The following MAPK10 variants were observed in gnomAD, a reference collection of about 807,000 sequenced individuals.
The protein encoded by MAPK10 is mitogen-activated protein kinase 10.
Under a neutral mutation model 59.3 loss-of-function variants are expected in MAPK10, and 25 were observed. The observed-to-expected ratio is 0.42, with a 90% CI of 0.31 to 0.59. The LOEUF is 0.59. Ranked by LOEUF, MAPK10 falls within the 20% of genes least tolerant of loss-of-function variation. The pLI, the probability that MAPK10 is intolerant of heterozygous loss-of-function variation, is 0.15. For synonymous variants in MAPK10, 190 were observed against 200.5 expected (o/e 0.95, Z 0.44); for missense variants, 351 against 568.9 (o/e 0.62, Z 3.90).
upstream of MAPK10, among the ~76,000 whole-genome samples, chr4:86,364,328 C>A (rs1055715595): frequency 3.3e-5 from 5 of 152,098 alleles, no homozygotes; most frequent in African/African-American, 1.2e-4. Flanking sequence ...AGGGTTTCAC[C>A]ATGTTGCCCA....
chr4:86,010,567 C>T lies in MAPK10; in HGVS notation c.*6661G>A, dbSNP rs1741354879. 1 of 152,126 alleles carries T rather than the reference C, an allele frequency of 6.6e-6. No homozygotes were observed. Among genetic ancestry groups the T allele is most frequent in the South Asian group, 2.1e-4 (1 of 4,822 alleles). The allele number at this position is 152,126 out of a possible 1,614,324, so 9.4% of individuals were successfully genotyped here. A position where few individuals can be genotyped will look rare whatever the true frequency, so the allele number is the denominator to read the frequency against. On this transcript the variant is annotated 3_prime_UTR_variant, in exon 14 of 14. Coordinates refer to ENST00000641462, the MANE Select transcript of MAPK10 (RefSeq NM_138982.4). ...AGCTAGAAATTCAGAGCAATATTCT[C>T]AGGGCTTGATTTACACCAAATCCAA...
chr4:86,388,593 C>T (rs1741807601), intron 1 of MAPK10, among the ~76,000 whole-genome samples: 1 of 152,118 alleles, frequency 6.6e-6, no homozygotes, highest in African/African-American at 2.4e-5. Context: ...TGACCACTGG[C>T]TTGATGTCAC....
intron 1 of MAPK10, among the ~76,000 whole-genome samples, chr4:86,436,745 T>C (rs1695333804): frequency 6.6e-6 from 1 of 152,152 alleles, no homozygotes; most frequent in Non-Finnish European, 1.5e-5. Flanking sequence ...TATCAAGATA[T>C]ATGAAGATAG....
chr4:86,064,179 C>A, intron 11 of MAPK10, 87 bp downstream of exon 11: 2 of 1,479,600 alleles, frequency 1.4e-6, no homozygotes, highest in Non-Finnish European at 1.8e-6. Context: ...ATCCATTGTG[C>A]ATTCTTTAGG....
intron 3 of MAPK10, chr4:86,171,049 G>A (rs911629774): frequency 1.4e-4 from 21 of 151,950 alleles, no homozygotes; most frequent in Middle Eastern, 3.4e-3. Context: ...ACAACATACC[G>A]GAATCTCTGG....
upstream of MAPK10, among the ~76,000 whole-genome samples, chr4:86,360,824 T>C (rs1293144503): frequency 6.6e-6 from 1 of 152,194 alleles, no homozygotes; most frequent in East Asian, 1.9e-4. Flanking sequence ...TATCCATAAA[T>C]AATAGTTTCT....
intron 1 of MAPK10, among the ~76,000 whole-genome samples, chr4:86,516,168 C>T (rs1756648538): frequency 6.6e-6 from 1 of 151,970 alleles, no homozygotes; most frequent in Non-Finnish European, 1.5e-5. Context: ...TTTTTGTTTA[C>T]TTTGCCAAAG....
At chr4:86,307,081 A>G (rs1255020612) in intron 2 of MAPK10, among the ~76,000 whole-genome samples, 1 of 152,190 alleles carries the variant, frequency 6.6e-6, no homozygotes, top group Non-Finnish European at 1.5e-5. Context: ...TACTGGGGGA[A>G]AAAAGAAGCA....
intron 1 of MAPK10, among the ~76,000 whole-genome samples, chr4:86,493,368 A>G (rs545161719): frequency 1.3e-5 from 2 of 152,334 alleles, no homozygotes; most frequent in South Asian, 4.1e-4. Context: ...TCCTTATGCT[A>G]GATTAATTTA....
At chr4:86,168,386 A>C (rs945355462) in intron 3 of MAPK10, among the ~76,000 whole-genome samples, 1 of 152,224 alleles carries the variant, frequency 6.6e-6, no homozygotes, top group Non-Finnish European at 1.5e-5. Flanking sequence ...ACGGGCTTAA[A>C]AAATGGTGCA....
intron 2 of MAPK10, among the ~76,000 whole-genome samples, chr4:86,314,334 G>C (rs1303136114): frequency 1.3e-5 from 2 of 152,256 alleles, no homozygotes; most frequent in Middle Eastern, 6.8e-3. Context: ...CACACGTTGT[G>C]GGAGGAACCC....
chr4:86,046,245 T>G (rs909579187), intron 11 of MAPK10, among the ~76,000 whole-genome samples: 2 of 151,744 alleles, frequency 1.3e-5, no homozygotes, highest in Non-Finnish European at 2.9e-5. Context: ...TCATGTCATC[T>G]GCAAACAGGG....
chr4:86,194,608 T>C (rs2080846167), intron 2 of MAPK10, among the ~76,000 whole-genome samples: 3 of 152,142 alleles, frequency 2.0e-5, no homozygotes, highest in African/African-American at 7.2e-5. Flanking sequence ...CTATCTTTTA[T>C]AATGATCAAT....
chr4:86,544,968 A>G (rs1759031271), intron 1 of MAPK10, among the ~76,000 whole-genome samples: 1 of 151,812 alleles, frequency 6.6e-6, no homozygotes, highest in Admixed American at 6.6e-5. Flanking sequence ...GGAGAAAGAG[A>G]GGAAGGGAGG....
chr4:86,574,312 A>C (rs1260114977), intron 1 of MAPK10, among the ~76,000 whole-genome samples: 2 of 151,770 alleles, frequency 1.3e-5, no homozygotes, highest in African/African-American at 4.8e-5. Context: ...TCATTGTTGG[A>C]CATTTGGGTT....
intron 2 of MAPK10, among the ~76,000 whole-genome samples, chr4:86,287,354 T>A (rs1357072744): frequency 1.3e-5 from 2 of 152,326 alleles, no homozygotes; most frequent in East Asian, 3.9e-4. Flanking sequence ...TCAAAGAATC[T>A]ACTCACAAAG....
chr4:86,280,141 G>A (rs951235348), intron 2 of MAPK10, among the ~76,000 whole-genome samples: 1 of 152,110 alleles, frequency 6.6e-6, no homozygotes, highest in East Asian at 1.9e-4. Flanking sequence ...CAGAAGCAGA[G>A]CAAAAGAAAC....
intron 4 of MAPK10, among the ~76,000 whole-genome samples, chr4:86,134,458 A>T (rs969288173): frequency 1.3e-5 from 2 of 152,236 alleles, no homozygotes; most frequent in African/African-American, 2.4e-5. Context: ...AAACTGCATT[A>T]AAGTCTCCAC....
In MAPK10 at chr4:86,163,626, T is replaced by C. The variant is rs2070612371; in HGVS notation, c.67-4159A>G. Among the ~76,000 whole-genome samples, 3 of 152,270 alleles carry C rather than the reference T, an allele frequency of 2.0e-5. No homozygotes were observed. The South Asian group carries it at 6.2e-4, about 32-fold the overall frequency. On this transcript the variant is annotated intron_variant, in intron 3 of 13. Coordinates refer to ENST00000641462, the MANE Select transcript of MAPK10 (RefSeq NM_138982.4). ...AGTTTTAACATGGATTAGGACTAGCTAGGGGGCTTATAAAATGCAAAGTTT... is the reference window on the plus strand; with the variant it reads ...AGTTTTAACATGGATTAGGACTAGCCAGGGGGCTTATAAAATGCAAAGTTT...
Sources: gnomAD v4.1 joint callset for allele counts (sites outside exome capture counted in the v4.1 genomes callset) on GRCh38, gnomAD v4.1.1 for gene constraint, MANE v1.5 for transcripts, NCBI Gene and HGNC (gene_info 2026-07-23, HGNC 2026-07-21) for gene names.